ERP44: variants seen among roughly 807,000 people sequenced by gnomAD.
ERP44 encodes endoplasmic reticulum protein 44.
ERP44 carries 25 observed loss-of-function variants against 53.4 expected under a neutral mutation model. That is an observed-to-expected ratio of 0.47 (90% CI 0.34 to 0.65). ERP44 has a LOEUF of 0.65. Among genes scored for constraint, ERP44 ranks in the 30% least tolerant of loss-of-function variants. The probability of loss-of-function intolerance (pLI) is 0.01; values close to 1 mark genes in which losing one functional copy is unlikely to be tolerated. For missense variants in ERP44, 338 were observed against 493.2 expected, an observed-to-expected ratio of 0.69 and a Z score of 2.98; for synonymous variants, 145 against 161.2, an observed-to-expected ratio of 0.90 and a Z score of 0.76.
At chr9:100,018,643 A>T (rs1373590803) in intron 6 of ERP44, among the ~76,000 whole-genome samples, 1 of 151,986 alleles carries the variant, frequency 6.6e-6, no homozygotes, top group Admixed American at 6.6e-5. Context: ...AAACGAAATA[A>T]CCCACATCAC....
intron 1 of ERP44, among the ~76,000 whole-genome samples, chr9:100,075,938 C>A (rs917271522): frequency 6.6e-6 from 1 of 152,148 alleles, no homozygotes; most frequent in African/African-American, 2.4e-5. Flanking sequence ...TATAACCCAG[C>A]AGATCCAATG....
intron 1 of ERP44, among the ~76,000 whole-genome samples, chr9:100,086,703 G>A (rs768159790): frequency 8.5e-5 from 13 of 152,258 alleles, no homozygotes; most frequent in African/African-American, 3.1e-4. Flanking sequence ...AAAAGAGAGG[G>A]AGCTAGGAAT....
chr9:100,052,775 T>C (rs1826052078), intron 3 of ERP44, among the ~76,000 whole-genome samples: 1 of 152,186 alleles, frequency 6.6e-6, no homozygotes, highest in African/African-American at 2.4e-5. Context: ...TTAAGACAAT[T>C]GCCAGTATTA....
At chr9:100,085,184 T>C (rs1826466988) in intron 1 of ERP44, among the ~76,000 whole-genome samples, 2 of 152,246 alleles carry the variant, frequency 1.3e-5, no homozygotes, top group Non-Finnish European at 2.9e-5. Context: ...TTACTTATCG[T>C]TGTAGAATGG....
intron 1 of ERP44, among the ~76,000 whole-genome samples, chr9:100,090,441 T>C (rs1461839047): frequency 6.6e-6 from 1 of 152,164 alleles, no homozygotes; most frequent in Admixed American, 6.5e-5. Flanking sequence ...CCCTACATTA[T>C]TTAAAACTTC....
intron 4 of ERP44, among the ~76,000 whole-genome samples, chr9:100,029,211 T>C (rs905378147): frequency 4.6e-5 from 7 of 151,860 alleles, no homozygotes; most frequent in Admixed American, 1.3e-4. Context: ...AAAAAGCTTC[T>C]GTAGGGCAAG....
chr9:100,017,697 T>C (rs1830538558), intron 7 of ERP44, among the ~76,000 whole-genome samples: 1 of 152,166 alleles, frequency 6.6e-6, no homozygotes, highest in South Asian at 2.1e-4. Flanking sequence ...AAAATTGCAA[T>C]GGCAGACGCT....
At chr9:100,097,012 T>C (rs558219373) in intron 1 of ERP44, among the ~76,000 whole-genome samples, 6 of 152,334 alleles carry the variant, frequency 3.9e-5, no homozygotes, top group East Asian at 3.9e-4. Context: ...CTAGTTTGAC[T>C]TGTAATTCTA....
intron 7 of ERP44, among the ~76,000 whole-genome samples, chr9:100,017,899 C>T (rs539464249): frequency 3.9e-5 from 6 of 152,202 alleles, no homozygotes; most frequent in South Asian, 2.1e-4. Context: ...TAGTACAATA[C>T]GGGTAGAAGT....
chr9:100,063,075 CAAA>C (rs58004954), intron 1 of ERP44, among the ~76,000 whole-genome samples: 9 of 40,068 alleles, frequency 2.2e-4, no homozygotes, highest in Admixed American at 4.0e-4. Flanking sequence ...CCCTGTCTCA[CAAA>C]AAAAAAAAAA....
intron 4 of ERP44, among the ~76,000 whole-genome samples, chr9:100,026,501 A>C (rs1218407518): frequency 6.6e-6 from 1 of 152,212 alleles, no homozygotes; most frequent in Non-Finnish European, 1.5e-5. Flanking sequence ...AAGTGAGTTA[A>C]AGCTATCAGT....
At chr9:100,041,971 G>A (rs1315423346) in intron 4 of ERP44, among the ~76,000 whole-genome samples, 2 of 152,150 alleles carry the variant, frequency 1.3e-5, no homozygotes, top group African/African-American at 4.8e-5. Context: ...AAACATTGGG[G>A]AAACTCTCCA....
intron 4 of ERP44, among the ~76,000 whole-genome samples, chr9:100,023,810 T>C (rs564866508): frequency 4.6e-5 from 7 of 152,306 alleles, no homozygotes; most frequent in Non-Finnish European, 8.8e-5. Context: ...ATAGTTCTAA[T>C]GGCCTACACT....
At position 99,979,828 on chromosome 9, in the gene ERP44, G is replaced by C. The variant is rs959100861; in HGVS notation, c.*2784C>G. The C allele has an allele frequency of 2.0e-5, 8 of 396,606 alleles. No individual in the cohort carries two copies. The highest frequency in any genetic ancestry group is 1.0e-4 in the African/African-American group (5 of 48,592). The allele number at this position is 396,606 out of a possible 1,614,324, so 24.6% of individuals were successfully genotyped here. A position where few individuals can be genotyped will look rare whatever the true frequency, so the allele number is the denominator to read the frequency against. On this transcript the variant is annotated 3_prime_UTR_variant, in exon 12 of 12. Transcript: ENST00000262455. The stretch of plus-strand genomic sequence containing the variant: ...GGGGGAACAAGTCTAAATTTGAGAC[G>C]TGCTTCCACACTATTCTTTCTCAAA...
chr9:100,018,592 GGTC>G (rs1830551262), intron 6 of ERP44, among the ~76,000 whole-genome samples: 1 of 152,038 alleles, frequency 6.6e-6, no homozygotes, highest in Non-Finnish European at 1.5e-5. Flanking sequence ...TAGGGATCAA[GGTC>G]ATTGGTTTGG....
At chr9:100,006,703 G>A in intron 9 of ERP44, 56 bp from the exon 10 acceptor site, 1 of 1,278,386 alleles carries the variant, frequency 7.8e-7, no homozygotes, top group Admixed American at 2.4e-5. Flanking sequence ...AAATATTTTT[G>A]TAAGATTGCA....
At chr9:100,053,069 T>C (rs1413737364) in intron 3 of ERP44, among the ~76,000 whole-genome samples, 2 of 152,150 alleles carry the variant, frequency 1.3e-5, no homozygotes, top group Non-Finnish European at 2.9e-5. Context: ...GTGTAAAATA[T>C]TTTAACTGTA....
intron 1 of ERP44, among the ~76,000 whole-genome samples, chr9:100,063,736 T>C (rs1826181044): frequency 6.6e-6 from 1 of 152,322 alleles, no homozygotes; most frequent in East Asian, 1.9e-4. Flanking sequence ...TATACAAATA[T>C]ACAGATATGA....
At chr9:100,045,619 T>C (rs957637191) in intron 4 of ERP44, among the ~76,000 whole-genome samples, 1 of 152,192 alleles carries the variant, frequency 6.6e-6, no homozygotes, top group Admixed American at 6.5e-5. Context: ...TACAGGAACT[T>C]TTCCAAGAAA....
Sources: allele counts gnomAD v4.1 joint callset (sites outside exome capture counted in the v4.1 genomes callset), GRCh38; gene constraint gnomAD v4.1.1; transcripts MANE v1.5; gene names NCBI Gene and HGNC (gene_info 2026-07-23, HGNC 2026-07-21).